PCDHGA11: variants seen among roughly 807,000 people sequenced by gnomAD.
The protein encoded by PCDHGA11 is protocadherin gamma-A11.
PCDHGA11 carries 39 observed loss-of-function variants against 60.4 expected under a neutral mutation model. That is an observed-to-expected ratio of 0.65 (90% confidence interval 0.50 to 0.84). The LOEUF is 0.84. PCDHGA11 is among the 40% of genes least tolerant of loss of function. The probability of loss-of-function intolerance (pLI) is 0.00; values close to 1 mark genes in which losing one functional copy is unlikely to be tolerated. For missense variants in PCDHGA11, 1,165 were observed against 1,197.7 expected (o/e 0.97, Z 0.40); for synonymous variants, 533 against 510.3 (o/e 1.04, Z -0.60).
At chr5:141,510,674 GGCAT>G (rs1388331907) in intron 3 of PCDHGA11, among the ~76,000 whole-genome samples, 6 of 152,132 alleles carry the variant, frequency 3.9e-5, no homozygotes, top group Non-Finnish European at 8.8e-5. Flanking sequence ...AAACTGAAGT[GGCAT>G]AAGGAGGTTA....
rs766431596 is a variant in PCDHGA11 at position 141,422,883 on chromosome 5, C to T, written c.1656C>T (p.Phe552=). The T allele has an allele frequency of 3.7e-6, 6 of 1,614,124 alleles. No homozygotes were observed. The African/African-American group carries it at 4.0e-5, about 11-fold the overall frequency. The part of the protein sequence containing the change: ...PLSSNVSLSL[F]VLDQNDNAPE... Reference sequence around the variant, plus strand: ...GCAGCAACGTGTCGCTGAGCCTGTTCGTGCTGGACCAGAACGACAATGCGC... The same window carrying T: ...GCAGCAACGTGTCGCTGAGCCTGTTTGTGCTGGACCAGAACGACAATGCGC... The change falls in exon 1 of 4, where the codon TTC becomes TTT. Residue 552 remains phenylalanine, a synonymous_variant. Transcript: ENST00000398587.
intron 1 of PCDHGA11, among the ~76,000 whole-genome samples, chr5:141,463,460 T>TTTC (rs1554144872): frequency 7.4e-6 from 1 of 136,038 alleles, no homozygotes; most frequent in South Asian, 2.5e-4. Context: ...TTTTTTTTTT[T>TTTC]TTTTTTGAGA....
rs183968443 is a variant in PCDHGA11 at position 141,495,033 on chromosome 5, G to A, written c.2492+168G>A. On this transcript the variant is annotated intron_variant, in intron 2 of 3. Coordinates refer to ENST00000398587, the MANE Select transcript of PCDHGA11 (RefSeq NM_018914.3). ...GGGGCTGGCACACAGACCCCGGAAG[G>A]AAGAGGCGACTGCCCTGACTGTTCA... is the stretch of plus-strand genomic sequence containing the variant. 1.4e-3 allele frequency: 1,380 copies of A among 968,234 alleles called. 4 individuals are homozygous for A. Among genetic ancestry groups the A allele is most frequent in the Middle Eastern group, 5.3e-3 (10 of 1,888 alleles). 60.0% of individuals were successfully genotyped at this position (968,234 alleles called of 1,614,324 possible).
chr5:141,430,910 G>A lies in PCDHGA11; in HGVS notation c.2433+7250G>A. The A allele has an allele frequency of 6.2e-7, 1 of 1,608,040 alleles. No homozygotes were observed. The highest frequency in any genetic ancestry group is 8.5e-7 in the Non-Finnish European group (1 of 1,177,584). On this transcript the variant is annotated intron_variant, in intron 1 of 3. Coordinates refer to ENST00000398587, the MANE Select transcript of PCDHGA11 (RefSeq NM_018914.3). ...CTCTAGGGTGGGCGACATCTCCAGG[G>A]ACCTGGGGCTGGAGCCCCGGGAGCT...
chr5:141,509,027 A>G (rs1409179803), intron 3 of PCDHGA11, among the ~76,000 whole-genome samples: 1 of 151,700 alleles, frequency 6.6e-6, no homozygotes, highest in Non-Finnish European at 1.5e-5. Flanking sequence ...GCTCCCTCCC[A>G]CTCAACCCCT....
chr5:141,455,107 C>T (rs1027661420), intron 1 of PCDHGA11, among the ~76,000 whole-genome samples: 20 of 151,774 alleles, frequency 1.3e-4, no homozygotes, highest in Non-Finnish European at 2.4e-4. Context: ...CCACTGCGCC[C>T]GGTGGGTCTA....
Position 141,477,044 on chromosome 5 carries a change from C to T in PCDHGA11, c.2434-17763C>T, listed in dbSNP as rs750525889. ...CGGGATGCTGACAATCAAGGGTCGG[C>T]TGGACTTCGAGGACACCAAACTCCA... On this transcript the variant is annotated intron_variant, in intron 1 of 3. Coordinates refer to ENST00000398587, the MANE Select transcript of PCDHGA11 (RefSeq NM_018914.3). The surrounding 1 kb of genome is among the most constrained non-coding windows in gnomAD (Gnocchi z 4.9). 6.2e-7 allele frequency: 1 copy of T among 1,614,246 alleles called. No individual in the cohort carries two copies. Among genetic ancestry groups the T allele is most frequent in the Non-Finnish European group, 8.5e-7 (1 of 1,180,034 alleles).
chr5:141,491,861 C>A lies in PCDHGA11; in HGVS notation c.2434-2946C>A. ...GGATCATTGGACCGTTTGCGCGAAA[C>A]CAGAGTGGCCGATTAAGGGATGGGG... On this transcript the variant is annotated intron_variant, in intron 1 of 3. Transcript: ENST00000398587. The surrounding 1 kb of genome is among the most constrained non-coding windows in gnomAD (Gnocchi z 6.9). 6.9e-7 allele frequency: 1 copy of A among 1,455,272 alleles called. No homozygotes were observed. The highest frequency in any genetic ancestry group is 9.1e-7 in the Non-Finnish European group (1 of 1,100,930). The allele number at this position is 1,455,272 out of a possible 1,614,324, so 90.1% of individuals were successfully genotyped here.
chr5:141,443,826 G>C (rs955306823), intron 1 of PCDHGA11, among the ~76,000 whole-genome samples: 1 of 151,978 alleles, frequency 6.6e-6, no homozygotes, highest in African/African-American at 2.4e-5. Flanking sequence ...AACATAATTA[G>C]GTAAAATGGG....
chr5:141,501,290 TACACACACACACACACACAC>T (rs55762287), intron 2 of PCDHGA11, among the ~76,000 whole-genome samples: 1 of 136,162 alleles, frequency 7.3e-6, no homozygotes, highest in Non-Finnish European at 1.6e-5. Flanking sequence ...TATTCCCTTA[TACACACACACACACACACAC>T]ACACACACAC....
At chr5:141,434,608 C>T (rs142418557) in intron 1 of PCDHGA11, among the ~76,000 whole-genome samples, 1,532 of 152,226 alleles carry the variant, frequency 0.01, 34 homozygotes, top group African/African-American at 0.034. Flanking sequence ...CCTTTATTTC[C>T]GCCCATCTCT....
chr5:141,469,962 C>T (rs943032320), intron 1 of PCDHGA11, among the ~76,000 whole-genome samples: 8 of 152,134 alleles, frequency 5.3e-5, no homozygotes, highest in African/African-American at 1.9e-4. Flanking sequence ...GAAACCCCAT[C>T]TGTACCAAAA....
chr5:141,481,352 C>T (rs1007066307), intron 1 of PCDHGA11, among the ~76,000 whole-genome samples: 3 of 152,222 alleles, frequency 2.0e-5, no homozygotes, highest in East Asian at 1.9e-4. Flanking sequence ...TAAACATCTA[C>T]AGCTGTTCAA....
At position 141,489,515 on chromosome 5, in the gene PCDHGA11, G is replaced by T; in HGVS notation, c.2434-5292G>T. ...CTGGCAGTGAATCAAAAGATTGACC[G>T]AGAAAGCCTATGTGGAGCCAGCACC... On this transcript the variant is annotated intron_variant, in intron 1 of 3. Coordinates refer to ENST00000398587, the MANE Select transcript of PCDHGA11 (RefSeq NM_018914.3). This position sits in a 1 kb window ranked among gnomAD's most constrained non-coding sequence, Gnocchi z 4.5. 4.3e-6 allele frequency: 7 copies of T among 1,614,104 alleles called. No individual in the cohort carries two copies. Among genetic ancestry groups the T allele is most frequent in the Non-Finnish European group, 5.9e-6 (7 of 1,180,034 alleles).
chr5:141,477,804 A>G lies in PCDHGA11; in HGVS notation c.2434-17003A>G. The G allele has an allele frequency of 6.2e-7, 1 of 1,614,088 alleles. No individual in the cohort carries two copies. ...ATATTTGTCACTGATCGCAATGACA[A>G]TGCCCCCCAGGTCCTATATCCTCGG... On this transcript the variant is annotated intron_variant, in intron 1 of 3. Transcript: ENST00000398587. The surrounding 1 kb of genome is among the most constrained non-coding windows in gnomAD (Gnocchi z 4.9).
chr5:141,425,834 C>A (rs925446924), intron 1 of PCDHGA11, among the ~76,000 whole-genome samples: 1 of 152,220 alleles, frequency 6.6e-6, no homozygotes, highest in Non-Finnish European at 1.5e-5. Context: ...CTTTTAAATT[C>A]TCTTTGCTGG....
At chr5:141,478,694 T>A (rs2099472305) in intron 1 of PCDHGA11, 1 of 1,550,598 alleles carries the variant, frequency 6.4e-7, no homozygotes, top group Admixed American at 2.0e-5. Flanking sequence ...TAGATCAAAG[T>A]TAGTGCCTTT....
At chr5:141,440,484 A>G (rs190024112) in intron 1 of PCDHGA11, 36 of 152,300 alleles carry the variant, frequency 2.4e-4, no homozygotes, top group Non-Finnish European at 4.7e-4. Context: ...AATTCTTTAA[A>G]TGTTTTTCAC....
At chr5:141,449,261 G>A (rs148515123) in intron 1 of PCDHGA11, among the ~76,000 whole-genome samples, 101 of 152,156 alleles carry the variant, frequency 6.6e-4, no homozygotes, top group Non-Finnish European at 1.3e-3. Flanking sequence ...ATTGTACAAA[G>A]AACTGTATCT....
Sources: gnomAD v4.1 joint callset for allele counts (sites outside exome capture counted in the v4.1 genomes callset) on GRCh38, gnomAD v4.1.1 for gene constraint, Gnocchi (gnomAD v3.1) non-coding constraint, MANE v1.5 for transcripts, NCBI Gene and HGNC (gene_info 2026-07-23, HGNC 2026-07-21) for gene names.